The following UGCG variants were observed in gnomAD, a reference collection of about 807,000 sequenced individuals.
The protein encoded by UGCG is UDP-glucose ceramide glucosyltransferase, also known as ceramide glucosyltransferase.
In UGCG, 10 loss-of-function variants were observed where a neutral mutation model predicts 49.5. The observed-to-expected ratio is 0.20, with a 90% CI of 0.12 to 0.34. The LOEUF (loss-of-function observed/expected upper bound fraction) is 0.34. Ranked by LOEUF, UGCG falls within the 10% of genes least tolerant of loss-of-function variation. The probability of loss-of-function intolerance (pLI) is 1.00; values close to 1 mark genes in which losing one functional copy is unlikely to be tolerated. For missense variants in UGCG, 312 were observed against 483.7 expected (o/e 0.65, Z 3.33); for synonymous variants, 182 against 158.2 (o/e 1.15, Z -1.13).
intron 2 of UGCG, among the ~76,000 whole-genome samples, chr9:111,918,911 C>T (rs1007372913): frequency 5.0e-5 from 7 of 139,682 alleles, no homozygotes; most frequent in Admixed American, 3.9e-4. Context: ...GGCGACAGAA[C>T]GAGACTCCGT....
intron 1 of UGCG, among the ~76,000 whole-genome samples, chr9:111,900,474 A>G (rs1564196400): frequency 2.5e-5 from 2 of 79,330 alleles, no homozygotes; most frequent in Non-Finnish European, 4.8e-5. Context: ...GTGTATATGT[A>G]TATGTGTGTG....
intron 1 of UGCG, among the ~76,000 whole-genome samples, chr9:111,904,735 G>A (rs146270128): frequency 1.2e-4 from 19 of 152,182 alleles, no homozygotes; most frequent in African/African-American, 4.1e-4. Flanking sequence ...GGTGGTGCTC[G>A]CCTGTAATCC....
intron 7 of UGCG, 26 bp downstream of exon 7, chr9:111,931,383 C>CTT (rs778074696): frequency 1.4e-5 from 23 of 1,603,740 alleles, no homozygotes; most frequent in Non-Finnish European, 1.9e-5. Context: ...TCTTTTTATA[C>CTT]TTCGTTAAAA....
Position 111,932,710 on chromosome 9 carries a change from A to G in UGCG, c.1015-117A>G, listed in dbSNP as rs898734007. 4.1e-6 allele frequency: 4 copies of G among 966,804 alleles called. No individual in the cohort carries two copies. In the African/African-American group the frequency reaches 6.6e-5, roughly 16 times the overall value. 59.9% of individuals were successfully genotyped at this position (966,804 alleles called of 1,614,324 possible). ...ACATGGCAGTTAAATTACATAAGGA[A>G]GCAGACTTGATTTTACATAGTATAC... is the stretch of plus-strand genomic sequence containing the variant. On this transcript the variant is annotated intron_variant, in intron 8 of 8. Coordinates refer to ENST00000374279, the MANE Select transcript of UGCG (RefSeq NM_003358.3).
In UGCG at chr9:111,934,482, A is replaced by G. The variant is rs915765491; in HGVS notation, c.*1485A>G. 6.6e-6 allele frequency: 1 copy of G among 152,206 alleles called. No individual in the cohort carries two copies. Among genetic ancestry groups the G allele is most frequent in the African/African-American group, 2.4e-5 (1 of 41,464 alleles). The allele number at this position is 152,206 out of a possible 1,614,324, so 9.4% of individuals were successfully genotyped here. A position where few individuals can be genotyped will look rare whatever the true frequency, so the allele number is the denominator to read the frequency against. ...CCACAGGAATGCCTACTGCAGGGCT[A>G]ACACTGGCAATATGGCAGCTTTAAA... On this transcript the variant is annotated 3_prime_UTR_variant, in exon 9 of 9. Transcript: ENST00000374279.
intron 2 of UGCG, among the ~76,000 whole-genome samples, chr9:111,921,755 T>C (rs1024131326): frequency 4.7e-5 from 7 of 148,440 alleles, no homozygotes; most frequent in African/African-American, 1.5e-4. Flanking sequence ...GACTCAAAAG[T>C]CTAAAATAGG....
chr9:111,921,369 T>C (rs62570262), intron 2 of UGCG, among the ~76,000 whole-genome samples: 2,620 of 152,134 alleles, frequency 0.017, 34 homozygotes, highest in Non-Finnish European at 0.027. Flanking sequence ...ATTTAGTTGT[T>C]GACTGAGCAT....
chr9:111,908,157 CACTAGTTATAATAACCTCAA>C, intron 1 of UGCG, among the ~76,000 whole-genome samples: 1 of 152,236 alleles, frequency 6.6e-6, no homozygotes, highest in East Asian at 1.9e-4. Flanking sequence ...CAGTGCTGCA[CACTAGTTATAATAACCTCAA>C]ACTGTAAACA....
At chr9:111,929,348 T>G in intron 5 of UGCG, 152 bp from the exon 6 acceptor site, 1 of 721,638 alleles carries the variant, frequency 1.4e-6, no homozygotes, top group Non-Finnish European at 2.1e-6. Context: ...AAAGCAATAT[T>G]GTCTACCACT....
intron 2 of UGCG, among the ~76,000 whole-genome samples, chr9:111,920,937 C>G (rs776959677): frequency 4.6e-5 from 7 of 150,884 alleles, no homozygotes; most frequent in Non-Finnish European, 1.0e-4. Context: ...GAGTCTCGCT[C>G]TGTCGCCCAG....
chr9:111,897,418 G>T (rs534010217), intron 1 of UGCG, 105 bp downstream of exon 1: 5 of 878,990 alleles, frequency 5.7e-6, no homozygotes, highest in South Asian at 4.8e-5. Context: ...CTCGGGCGGG[G>T]GTGGAGAAAG....
Position 111,933,122 on chromosome 9 carries a change from A to G in UGCG, c.*125A>G. On this transcript the variant is annotated 3_prime_UTR_variant, in exon 9 of 9. Coordinates refer to ENST00000374279, the MANE Select transcript of UGCG (RefSeq NM_003358.3). ...TGTATGTTTTGGTATCTGTTCTTTA[A>G]TTTATTTTTGCATGGCACTTGCATC... is the stretch of plus-strand genomic sequence containing the variant. 1.0e-6 allele frequency: 1 copy of G among 966,572 alleles called. No homozygotes were observed. Among genetic ancestry groups the G allele is most frequent in the Non-Finnish European group, 1.3e-6 (1 of 746,548 alleles). The allele number at this position is 966,572 out of a possible 1,614,324, so 59.9% of individuals were successfully genotyped here.
At chr9:111,932,041 A>G in intron 7 of UGCG, 129 bp from the exon 8 acceptor site, 1 of 1,050,618 alleles carries the variant, frequency 9.5e-7, no homozygotes, top group African/African-American at 1.6e-5. Context: ...AAAAAACAAA[A>G]CAAAAAAAGT....
intron 2 of UGCG, 113 bp from the exon 3 acceptor site, chr9:111,922,736 C>T: frequency 1.6e-6 from 1 of 614,220 alleles, no homozygotes; most frequent in South Asian, 2.9e-5. Context: ...TCTTTTAAAA[C>T]TTTGCATAAT....
chr9:111,909,287 T>G (rs554717115), intron 1 of UGCG, among the ~76,000 whole-genome samples: 1 of 152,172 alleles, frequency 6.6e-6, no homozygotes, highest in Admixed American at 6.5e-5. Context: ...TTAAAAAATG[T>G]TTTTGAAAAA....
At chr9:111,928,642 G>A (rs1412556822) in intron 5 of UGCG, among the ~76,000 whole-genome samples, 1 of 152,144 alleles carries the variant, frequency 6.6e-6, no homozygotes, top group Non-Finnish European at 1.5e-5. Flanking sequence ...CTGGAGTCTG[G>A]GTTCAGGGTA....
rs370802187 is a variant in UGCG, at chr9:111,897,230, C to G, written c.15C>G (p.Asp5Glu). The G allele has an allele frequency of 6.5e-7, 1 of 1,550,082 alleles. No homozygotes were observed. Among genetic ancestry groups the G allele is most frequent in the Admixed American group, 2.0e-5 (1 of 51,196 alleles). ...CGGGCCGGGGGATGGCGCTGCTGGA[C>G]CTGGCCTTGGAGGGAATGGCCGTCT... is the stretch of plus-strand genomic sequence containing the variant. Reference protein sequence around the residue: MALLDLALEGMAVFG... With the variant: MALLELALEGMAVFG... The change falls in exon 1 of 9, where the codon GAC becomes GAG. Residue 5 changes from aspartate to glutamate, a missense_variant. Asp to Glu is a conservative substitution (Grantham distance 45). This residue lies in a region of UGCG where 65 missense variants were observed against 74.7 expected (regional missense o/e 0.87). Transcript: ENST00000374279.
chr9:111,930,879 G>T lies in UGCG; in HGVS notation c.738-392G>T, dbSNP rs946550767. 5.9e-5 allele frequency among the ~76,000 whole-genome samples: 9 copies of T among 152,256 alleles called. 1 individual carries two copies. In the Middle Eastern group the frequency reaches 0.017, roughly 288 times the overall value. The stretch of plus-strand genomic sequence containing the variant: ...ATTCTGTCATGATTGTGTTCATGTG[G>T]TTCATGGTTTCCTAGTGTCTCCCAT... On this transcript the variant is annotated intron_variant, in intron 6 of 8. Coordinates refer to ENST00000374279, the MANE Select transcript of UGCG (RefSeq NM_003358.3).
intron 2 of UGCG, among the ~76,000 whole-genome samples, chr9:111,917,925 T>C (rs138714624): frequency 0.013 from 1,972 of 152,370 alleles, 19 homozygotes; most frequent in Non-Finnish European, 0.019. Flanking sequence ...AGTGGCTTGC[T>C]GGCTTTACTT....
Sources: allele counts gnomAD v4.1 joint callset (sites outside exome capture counted in the v4.1 genomes callset), GRCh38; gene constraint gnomAD v4.1.1; regional missense constraint gnomAD v4.1.1; transcripts MANE v1.5; gene names NCBI Gene and HGNC (gene_info 2026-07-23, HGNC 2026-07-21).